IGFBP7: variants seen among roughly 807,000 people sequenced by gnomAD.
The protein encoded by IGFBP7 is insulin like growth factor binding protein 7.
IGFBP7 carries 31 observed loss-of-function variants against 29.4 expected under a neutral mutation model. The observed-to-expected ratio is 1.05, with a 90% CI of 0.79 to 1.42. The LOEUF (loss-of-function observed/expected upper bound fraction) is 1.42. Ranked by LOEUF, IGFBP7 falls within the 40% of genes most tolerant of loss-of-function variation. The pLI is 0.00. For missense variants in IGFBP7, 393 were observed against 395.5 expected (o/e 0.99, Z 0.05); for synonymous variants, 172 against 174.9 (o/e 0.98, Z 0.13).
At chr4:57,055,454 G>C (rs1342235810) in intron 1 of IGFBP7, among the ~76,000 whole-genome samples, 1 of 152,186 alleles carries the variant, frequency 6.6e-6, no homozygotes, top group Non-Finnish European at 1.5e-5. Context: ...AGGAGGAGAG[G>C]GGGACAGATT....
At chr4:57,058,859 G>C (rs1724733090) in intron 1 of IGFBP7, among the ~76,000 whole-genome samples, 1 of 152,112 alleles carries the variant, frequency 6.6e-6, no homozygotes. Flanking sequence ...TCTGACAAAG[G>C]TCTAATATCC....
intron 1 of IGFBP7, among the ~76,000 whole-genome samples, chr4:57,099,043 G>C (rs891008484): frequency 7.9e-5 from 12 of 152,200 alleles, no homozygotes; most frequent in Middle Eastern, 3.2e-3. Flanking sequence ...GGTCAGGCCA[G>C]AAGAGAGCAG....
intron 1 of IGFBP7, among the ~76,000 whole-genome samples, chr4:57,101,366 T>C (rs1228290824): frequency 6.6e-6 from 1 of 152,218 alleles, no homozygotes; most frequent in Non-Finnish European, 1.5e-5. Context: ...TGAACCTTTC[T>C]TATTTTTCAG....
chr4:57,032,835 G>C (rs183491374), intron 3 of IGFBP7, among the ~76,000 whole-genome samples: 1 of 152,192 alleles, frequency 6.6e-6, no homozygotes, highest in South Asian at 2.1e-4. Context: ...ACCTTGATAA[G>C]GGTATATGAT....
chr4:57,045,795 G>C (rs374858567), intron 1 of IGFBP7, among the ~76,000 whole-genome samples: 1 of 150,266 alleles, frequency 6.7e-6, no homozygotes, highest in African/African-American at 2.5e-5. Flanking sequence ...GTGTGATCTC[G>C]GCTCACTGCA....
intron 1 of IGFBP7, among the ~76,000 whole-genome samples, chr4:57,094,357 G>A (rs1299569814): frequency 1.3e-5 from 2 of 152,172 alleles, no homozygotes; most frequent in African/African-American, 4.8e-5. Flanking sequence ...GATGACAGGC[G>A]TGGTTGTGGG....
chr4:57,041,649 C>T (rs938304672), intron 1 of IGFBP7, among the ~76,000 whole-genome samples: 18 of 152,176 alleles, frequency 1.2e-4, no homozygotes, highest in African/African-American at 2.4e-5. Flanking sequence ...GATCCTCCCA[C>T]CCCAGCCTCC....
intron 1 of IGFBP7, among the ~76,000 whole-genome samples, chr4:57,050,750 G>T (rs1724485526): frequency 2.0e-5 from 3 of 150,768 alleles, no homozygotes; most frequent in Admixed American, 1.3e-4. Flanking sequence ...TAGAGACAGG[G>T]TCTTGCTTTG....
At chr4:57,035,709 C>T (rs541794958) in intron 2 of IGFBP7, among the ~76,000 whole-genome samples, 152 of 152,318 alleles carry the variant, frequency 1.0e-3, no homozygotes, top group African/African-American at 3.5e-3. Flanking sequence ...GATCCACTTG[C>T]CTTGGCCTCC....
intron 1 of IGFBP7, among the ~76,000 whole-genome samples, chr4:57,049,405 T>C (rs1395857952): frequency 1.6e-5 from 2 of 125,294 alleles, no homozygotes; most frequent in Admixed American, 1.5e-4. Flanking sequence ...CACTCTTCTA[T>C]GTCATTTCTA....
intron 1 of IGFBP7, among the ~76,000 whole-genome samples, chr4:57,077,993 G>A (rs1057363974): frequency 7.2e-5 from 11 of 152,078 alleles, no homozygotes; most frequent in African/African-American, 2.7e-4. Context: ...AAATGCAATA[G>A]GATTTGTTTC....
At chr4:57,063,868 A>G (rs1724854102) in intron 1 of IGFBP7, among the ~76,000 whole-genome samples, 2 of 152,248 alleles carry the variant, frequency 1.3e-5, no homozygotes, top group African/African-American at 2.4e-5. Context: ...TAAGTTAAAT[A>G]TCTATAAAAC....
At chr4:57,050,593 G>A (rs1254756169) in intron 1 of IGFBP7, among the ~76,000 whole-genome samples, 1 of 151,992 alleles carries the variant, frequency 6.6e-6, no homozygotes, top group Admixed American at 6.6e-5. Context: ...TCAGGCAGGA[G>A]TGCAATGGTG....
intron 1 of IGFBP7, among the ~76,000 whole-genome samples, chr4:57,066,632 C>T (rs35085713): frequency 0.083 from 12,479 of 151,142 alleles, 636 homozygotes; most frequent in African/African-American, 0.14. Context: ...GGTGTGATCT[C>T]GGCTTACTGC....
intron 1 of IGFBP7, among the ~76,000 whole-genome samples, chr4:57,096,266 C>A (rs1578649849): frequency 6.8e-6 from 1 of 147,456 alleles, no homozygotes; most frequent in South Asian, 2.3e-4. Context: ...AGGGCTTACA[C>A]TTCCCATGGC....
At position 57,110,042 on chromosome 4, in the gene IGFBP7, C is replaced by G; in HGVS notation, c.310G>C (p.Gly104Arg). The change falls in exon 1 of 5, where the codon GGT (glycine) becomes CGT (arginine). Residue 104 changes from glycine to arginine, a missense_variant. By Grantham distance (125) the Gly-to-Arg change is moderately radical. Transcript: ENST00000295666. ...ACGCACACGCCGCTTACACCCGGAC[C>G]GCCGGCTGCTGCCCCGGCTTTACCC... ...RKGKAGAAAG[G>R]PGVSGVCVCK... 1.3e-6 allele frequency: 2 copies of G among 1,559,494 alleles called. No homozygotes were observed. Among genetic ancestry groups the G allele is most frequent in the Non-Finnish European group, 1.7e-6 (2 of 1,158,694 alleles).
chr4:57,051,249 C>T (rs1485136208), intron 1 of IGFBP7, among the ~76,000 whole-genome samples: 1 of 152,188 alleles, frequency 6.6e-6, no homozygotes, highest in East Asian at 1.9e-4. Context: ...AATTAAAGAG[C>T]AGAGCCATCT....
intron 2 of IGFBP7, among the ~76,000 whole-genome samples, chr4:57,035,924 T>G (rs1409898238): frequency 6.6e-6 from 1 of 152,240 alleles, no homozygotes; most frequent in Admixed American, 6.5e-5. Context: ...CTGTTAACAC[T>G]GAAACAAATA....
At chr4:57,037,726 A>G (rs1724117014) in intron 2 of IGFBP7, among the ~76,000 whole-genome samples, 1 of 152,142 alleles carries the variant, frequency 6.6e-6, no homozygotes, top group Admixed American at 6.6e-5. Flanking sequence ...CTTTGCCAAG[A>G]TTTGCCAATA....
Sources: gnomAD v4.1 joint callset for allele counts (sites outside exome capture counted in the v4.1 genomes callset) on GRCh38, gnomAD v4.1.1 for gene constraint, MANE v1.5 for transcripts, NCBI Gene and HGNC (gene_info 2026-07-23, HGNC 2026-07-21) for gene names.